Variants in ISX observed in about 807,000 individuals in gnomAD.
ISX encodes intestine-specific homeobox.
In ISX, 15 loss-of-function variants were observed where a neutral mutation model predicts 16.9. The observed-to-expected ratio is 0.89, with a 90% confidence interval of 0.59 to 1.36. The LOEUF (loss-of-function observed/expected upper bound fraction) is 1.36. Ranked by LOEUF, ISX falls within the 40% of genes most tolerant of loss-of-function variation. The pLI, the probability that ISX is intolerant of heterozygous loss-of-function variation, is 0.00. For missense variants in ISX, 316 were observed against 306.1 expected, an observed-to-expected ratio of 1.03 and a Z score of -0.24; for synonymous variants, 125 against 119.7, an observed-to-expected ratio of 1.04 and a Z score of -0.29.
rs971520555 is a variant in ISX, at chr22:35,086,986, T to C, written c.*1293T>C. ...CCTGCACCCCTGACCCACCCAGGAG[T>C]TGGACCGGGAGTTGGGAAGCCTAGG... On this transcript the variant is annotated 3_prime_UTR_variant, in exon 5 of 5. Coordinates refer to ENST00000404699, the MANE Select transcript of ISX (RefSeq NM_001303508.2). 4 of 152,214 alleles carry C rather than the reference T, an allele frequency of 2.6e-5. No individual in the cohort carries two copies. The highest frequency in any genetic ancestry group is 5.9e-5 in the Non-Finnish European group (4 of 68,076). The allele number at this position is 152,214 out of a possible 1,614,324, so 9.4% of individuals were successfully genotyped here.
At chr22:35,070,544 C>T (rs1039538694) in intron 2 of ISX, among the ~76,000 whole-genome samples, 2 of 152,222 alleles carry the variant, frequency 1.3e-5, no homozygotes, top group Admixed American at 6.5e-5. Context: ...GTGGGTAAAC[C>T]AGTATGGACT....
In ISX at chr22:35,066,877, G is replaced by T. The variant is rs1928712109; in HGVS notation, c.-211G>T. The T allele has an allele frequency of 5.4e-6, 3 of 559,438 alleles. No homozygotes were observed. Among genetic ancestry groups the T allele is most frequent in the Non-Finnish European group, 3.2e-6 (1 of 314,350 alleles). The allele number at this position is 559,438 out of a possible 1,614,324, so 34.7% of individuals were successfully genotyped here. A position where few individuals can be genotyped will look rare whatever the true frequency, so the allele number is the denominator to read the frequency against. ...TCAAACTGGTAAGGGCTGAGCCGTG[G>T]GCACAGGATACCACTCCTTCCAGCT... On this transcript the variant is annotated 5_prime_UTR_variant, in exon 2 of 5. Transcript: ENST00000404699.
intron 2 of ISX, 92 bp from the exon 3 acceptor site, chr22:35,082,426 T>C: frequency 8.0e-7 from 1 of 1,248,994 alleles, no homozygotes; most frequent in Non-Finnish European, 1.1e-6. Context: ...GGAGCAGCAG[T>C]GGGGTGGAAG....
chr22:35,081,918 C>A (rs749911742), intron 2 of ISX, among the ~76,000 whole-genome samples: 1 of 152,246 alleles, frequency 6.6e-6, no homozygotes, highest in Admixed American at 6.5e-5. Context: ...ATGATGTAGC[C>A]AGCCCTGGGT....
At position 35,066,816 on chromosome 22, in the gene ISX, T is replaced by C. The variant is rs574473775; in HGVS notation, c.-272T>C. ...TCCGAGAAGACCCTTCTCTGGAAGATTGAACCCCAATTCAGCCATGGTGAC... is the reference window on the plus strand; with the variant it reads ...TCCGAGAAGACCCTTCTCTGGAAGACTGAACCCCAATTCAGCCATGGTGAC... On this transcript the variant is annotated 5_prime_UTR_variant, in exon 2 of 5. Transcript: ENST00000404699. 5.8e-5 allele frequency: 24 copies of C among 415,284 alleles called. No homozygotes were observed. The highest frequency in any genetic ancestry group is 4.0e-4 in the African/African-American group (20 of 50,538). The allele number at this position is 415,284 out of a possible 1,614,324, so 25.7% of individuals were successfully genotyped here.
At chr22:35,080,184 G>A (rs982723508) in intron 2 of ISX, among the ~76,000 whole-genome samples, 21 of 152,054 alleles carry the variant, frequency 1.4e-4, no homozygotes, top group African/African-American at 3.1e-4. Flanking sequence ...TGAAGGCACC[G>A]CAAACTTGCT....
rs777634496 is a variant in ISX at position 35,082,588 on chromosome 22, C to T, written c.300C>T (p.Ile100=). 6.2e-6 allele frequency: 10 copies of T among 1,614,094 alleles called. No individual in the cohort carries two copies. Among genetic ancestry groups the T allele is most frequent in the Admixed American group, 1.7e-5 (1 of 60,012 alleles). ...AGCAGCTGCATGAGCTGGAGAAGAT[C>T]TTCCACTTTACCCACTACCCAGACG... ...TTEQLHELEK[I]FHFTHYPDVH... is the part of the protein sequence containing the mutation. The change falls in exon 3 of 5, where the codon ATC becomes ATT. Residue 100 remains isoleucine (I), a synonymous_variant. Transcript: ENST00000404699.
Position 35,067,149 on chromosome 22 carries a change from G to A in ISX, c.62G>A (p.Cys21Tyr), listed in dbSNP as rs1302496508. The change falls in exon 2 of 5, where the codon TGT becomes TAT. Residue 21 changes from cysteine to tyrosine, a missense_variant. By Grantham distance (194) the Cys-to-Tyr change is radical (BLOSUM62 -2). Coordinates refer to ENST00000404699, the MANE Select transcript of ISX (RefSeq NM_001303508.2). ...RGMERNSLGC[C>Y]EAPKKLSLSF... ...ATGGAGAGAAATAGCTTGGGGTGCT[G>A]TGAGGCCCCGAAGAAGCTGAGCCTG... 1 of 1,614,040 alleles carries A rather than the reference G, an allele frequency of 6.2e-7. No individual in the cohort carries two copies. Among genetic ancestry groups the A allele is most frequent in the East Asian group, 2.2e-5 (1 of 44,876 alleles).
rs536678640 is a variant in ISX at position 35,085,481 on chromosome 22, C to A, written c.526C>A (p.Arg176Ser). Residue 176 changes from arginine (R) to serine (S), a missense_variant, in exon 5 of 5, where the codon CGC (arginine) becomes AGC (serine). Transcript: ENST00000404699. ...GCCCACGTGGACATCCACTGCTCTG[C>A]GCAGGCTGGCTCCTCCCACGAGCTG... The part of the protein sequence containing the change: ...AGPTWTSTAL[R>S]RLAPPTSCCP... The A allele has an allele frequency of 3.1e-6, 5 of 1,614,198 alleles. No homozygotes were observed. The highest frequency in any genetic ancestry group is 2.7e-5 in the African/African-American group (2 of 75,056).
At position 35,066,865 on chromosome 22, in the gene ISX, G is replaced by A; in HGVS notation, c.-223G>A. The A allele has an allele frequency of 1.8e-6, 1 of 542,710 alleles. No homozygotes were observed. Among genetic ancestry groups the A allele is most frequent in the Non-Finnish European group, 3.3e-6 (1 of 304,592 alleles). The allele number at this position is 542,710 out of a possible 1,614,324, so 33.6% of individuals were successfully genotyped here. A position where few individuals can be genotyped will look rare whatever the true frequency, so the allele number is the denominator to read the frequency against. On this transcript the variant is annotated 5_prime_UTR_variant, in exon 2 of 5. Coordinates refer to ENST00000404699, the MANE Select transcript of ISX (RefSeq NM_001303508.2). ...ACTCCTTTGATGTCAAACTGGTAAG[G>A]GCTGAGCCGTGGGCACAGGATACCA...
intron 2 of ISX, among the ~76,000 whole-genome samples, chr22:35,071,647 T>C (rs1928855878): frequency 1.3e-5 from 2 of 152,168 alleles, no homozygotes; most frequent in South Asian, 2.1e-4. Context: ...CTACAAAGAC[T>C]ATTTGGAGCA....
At chr22:35,078,168 A>T (rs991470701) in intron 2 of ISX, among the ~76,000 whole-genome samples, 7 of 145,518 alleles carry the variant, frequency 4.8e-5, no homozygotes, top group African/African-American at 5.1e-5. Flanking sequence ...CCCTTTTGTA[A>T]TTTTTTTTTT....
intron 2 of ISX, among the ~76,000 whole-genome samples, chr22:35,073,336 G>T (rs549796522): frequency 6.6e-6 from 1 of 152,288 alleles, no homozygotes; most frequent in Admixed American, 6.5e-5. Flanking sequence ...TTTTATGGAA[G>T]ATGATTTTTC....
chr22:35,068,662 A>T (rs1928770541), intron 2 of ISX, among the ~76,000 whole-genome samples: 2 of 152,184 alleles, frequency 1.3e-5, no homozygotes, highest in Non-Finnish European at 1.5e-5. Flanking sequence ...CGATGACGGC[A>T]GGCTTCAGAA....
intron 2 of ISX, among the ~76,000 whole-genome samples, chr22:35,076,696 C>A (rs1020176294): frequency 2.0e-5 from 3 of 152,148 alleles, no homozygotes; most frequent in Admixed American, 6.5e-5. Flanking sequence ...AGAGAAGAAG[C>A]AATCAGGGGA....
intron 2 of ISX, among the ~76,000 whole-genome samples, chr22:35,074,298 G>T (rs1422000912): frequency 6.6e-6 from 1 of 152,248 alleles, no homozygotes; most frequent in Non-Finnish European, 1.5e-5. Context: ...AGTCAACTGA[G>T]ACCAGCGGGT....
chr22:35,085,354 A>C (rs1601562683), intron 4 of ISX, 100 bp from the exon 5 acceptor site: 9 of 1,409,044 alleles, frequency 6.4e-6, no homozygotes, highest in Non-Finnish European at 9.0e-6. Flanking sequence ...AGTGGATCAC[A>C]CTACCCACTC....
rs1436867399 is a variant in ISX, at chr22:35,087,268, C to A, written c.*1575C>A. 1 of 152,254 alleles carries A rather than the reference C, an allele frequency of 6.6e-6. No individual in the cohort carries two copies. The highest frequency in any genetic ancestry group is 2.4e-5 in the African/African-American group (1 of 41,448). 9.4% of individuals were successfully genotyped at this position (152,254 alleles called of 1,614,324 possible). A position where few individuals can be genotyped will look rare whatever the true frequency, so the allele number is the denominator to read the frequency against. ...CTGGATGAAAGGAGAAGGCTAGAGG[C>A]TGAGGGAGGAAAGAGCAGTTAACAA... On this transcript the variant is annotated 3_prime_UTR_variant, in exon 5 of 5. Coordinates refer to ENST00000404699, the MANE Select transcript of ISX (RefSeq NM_001303508.2).
intron 2 of ISX, among the ~76,000 whole-genome samples, chr22:35,074,393 G>A (rs1883383): frequency 0.57 from 86,464 of 152,038 alleles, 25,084 homozygotes; most frequent in Middle Eastern, 0.65. Context: ...TCCATGCTGG[G>A]ATGATGGTTC....
Sources: allele counts gnomAD v4.1 joint callset (sites outside exome capture counted in the v4.1 genomes callset), GRCh38; gene constraint gnomAD v4.1.1; transcripts MANE v1.5; gene names NCBI Gene and HGNC (gene_info 2026-07-23, HGNC 2026-07-21).